Variants in NKTR observed in about 807,000 individuals in gnomAD.
NKTR encodes the protein natural killer cell triggering receptor, also known as NK-tumor recognition protein.
NKTR carries 67 observed loss-of-function variants against 156.3 expected under a neutral mutation model. The observed-to-expected ratio is 0.43, with a 90% confidence interval of 0.35 to 0.53. The LOEUF is 0.53. Among genes scored for constraint, NKTR ranks in the 20% least tolerant of loss-of-function variants. The pLI, the probability that NKTR is intolerant of heterozygous loss-of-function variation, is 0.01. For missense variants in NKTR, 1,604 were observed against 1,730.9 expected (o/e 0.93, Z 1.30); for synonymous variants, 640 against 596.6 (o/e 1.07, Z -1.06).
intron 2 of NKTR, among the ~76,000 whole-genome samples, chr3:42,608,681 G>C (rs1367688432): frequency 6.6e-6 from 1 of 152,196 alleles, no homozygotes; most frequent in Admixed American, 6.5e-5. Flanking sequence ...AGGTTGGAAA[G>C]TGAGGCTGAA....
In NKTR at chr3:42,639,539, GA is replaced by G; in HGVS notation, c.3836del (p.Asp1279ValfsTer3). 6.2e-7 allele frequency: 1 copy of G among 1,614,176 alleles called. No homozygotes were observed. Among genetic ancestry groups the G allele is most frequent in the Non-Finnish European group, 8.5e-7 (1 of 1,180,014 alleles). Reference sequence around the variant, plus strand: ...TAAAGTTCGGCCTGGGTCTCTCTTTGATGAAGTAAGAAAGACAGCACGCTTA... The same window carrying G: ...TAAAGTTCGGCCTGGGTCTCTCTTTGTGAAGTAAGAAAGACAGCACGCTTA... ...KNKVRPGSLF[D>X]EVRKTARLNR... On this transcript the variant is annotated frameshift_variant, in exon 13 of 17. Coordinates refer to ENST00000232978, the MANE Select transcript of NKTR (RefSeq NM_005385.4). LOFTEE classifies it high-confidence loss of function.
At chr3:42,612,924 G>A (rs183948224) in intron 2 of NKTR, among the ~76,000 whole-genome samples, 1 of 152,060 alleles carries the variant, frequency 6.6e-6, no homozygotes, top group African/African-American at 2.4e-5. Flanking sequence ...TTCCTGGTAT[G>A]TAGTGAATAA....
Position 42,600,726 on chromosome 3 carries a change from G to A in NKTR, c.-76G>A. 3.4e-6 allele frequency: 1 copy of A among 296,766 alleles called. No homozygotes were observed. Among genetic ancestry groups the A allele is most frequent in the Non-Finnish European group, 6.3e-6 (1 of 159,976 alleles). The allele number at this position is 296,766 out of a possible 1,614,324, so 18.4% of individuals were successfully genotyped here. On this transcript the variant is annotated 5_prime_UTR_variant, in exon 1 of 17. Transcript: ENST00000232978. ...GCGGCGTTGGGGTTTGGCTGCAGTG[G>A]CAGTGCTTTCTCTTCTGCTCACGGG...
intron 15 of NKTR, chr3:42,643,604 A>G (rs1196958913): frequency 1.4e-5 from 9 of 624,512 alleles, no homozygotes; most frequent in African/African-American, 5.5e-5. Flanking sequence ...TCAAATTGTA[A>G]TGGCAGGTGT....
chr3:42,643,546 A>G (rs1381953527), intron 15 of NKTR, 151 bp downstream of exon 15: 3 of 673,338 alleles, frequency 4.5e-6, no homozygotes, highest in East Asian at 2.7e-5. Flanking sequence ...TCTGTTCGAC[A>G]AGTTTTATCT....
chr3:42,611,750 T>A lies in NKTR; in HGVS notation c.59-5820T>A, dbSNP rs535081487. Among the ~76,000 whole-genome samples, 911 of 137,096 alleles carry A rather than the reference T, an allele frequency of 6.6e-3. 12 individuals are homozygous for A. The highest frequency in any genetic ancestry group is 0.024 in the African/African-American group (844 of 35,800). 89.9% of individuals were successfully genotyped at this position (137,096 alleles called of 152,430 possible). ...TCTGTCTCAAAAAAAAAAAAAAAAATGTATGCCTAAACCCTTATTTCCTCT... is the reference window on the plus strand; with the variant it reads ...TCTGTCTCAAAAAAAAAAAAAAAAAAGTATGCCTAAACCCTTATTTCCTCT... On this transcript the variant is annotated intron_variant, in intron 2 of 16. Coordinates refer to ENST00000232978, the MANE Select transcript of NKTR (RefSeq NM_005385.4).
intron 2 of NKTR, 75 bp from the exon 3 acceptor site, chr3:42,617,495 C>T (rs1238024150): frequency 1.3e-6 from 1 of 743,062 alleles, no homozygotes; most frequent in Non-Finnish European, 2.4e-6. Flanking sequence ...AATTTGTTAG[C>T]CCTGTTTCTT....
rs1707775067 is a variant in NKTR at position 42,620,141 on chromosome 3, T to A, written c.286+433T>A. ...AGTCTGGGTCAGGTTGTGGCTGGATTTCTATATTGCTTGAAGACTTGGAAA... is the reference window on the plus strand; with the variant it reads ...AGTCTGGGTCAGGTTGTGGCTGGATATCTATATTGCTTGAAGACTTGGAAA... On this transcript the variant is annotated intron_variant, in intron 5 of 16. Coordinates refer to ENST00000232978, the MANE Select transcript of NKTR (RefSeq NM_005385.4). The A allele has an allele frequency of 6.3e-6, 9 of 1,438,106 alleles. No individual in the cohort carries two copies. In the Admixed American group the frequency reaches 2.2e-4, roughly 36 times the overall value. 89.1% of individuals were successfully genotyped at this position (1,438,106 alleles called of 1,614,324 possible). A position where few individuals can be genotyped will look rare whatever the true frequency, so the allele number is the denominator to read the frequency against.
rs1709651577 is a variant in NKTR, at chr3:42,638,901, T to G, written c.3197T>G (p.Leu1066Arg). Residue 1066 changes from leucine to arginine, a missense_variant, in exon 13 of 17, where the codon CTT becomes CGT. Coordinates refer to ENST00000232978, the MANE Select transcript of NKTR (RefSeq NM_005385.4). ...LKTEKSSEED[L>R]SGKHDTVTVS... ...ACTGAGAAATCCAGTGAAGAGGACC[T>G]TTCAGGTAAACATGATACAGTGACT... The G allele has an allele frequency of 1.2e-6, 2 of 1,612,950 alleles. No homozygotes were observed. The highest frequency in any genetic ancestry group is 1.7e-4 in the Middle Eastern group (1 of 6,058).
At chr3:42,616,597 A>G (rs553431048) in intron 2 of NKTR, among the ~76,000 whole-genome samples, 2 of 152,356 alleles carry the variant, frequency 1.3e-5, no homozygotes, top group African/African-American at 4.8e-5. Flanking sequence ...ACAAAAGCTC[A>G]GTAATGAGTT....
At chr3:42,629,434 A>C in intron 6 of NKTR, 1 of 950,806 alleles carries the variant, frequency 1.1e-6, no homozygotes, top group Non-Finnish European at 1.3e-6. Context: ...TATAAGCATT[A>C]CAAATCCTTG....
In NKTR at chr3:42,635,308, A is replaced by T. The variant is rs1709298128; in HGVS notation, c.1105A>T (p.Met369Leu). The part of the protein sequence containing the change: ...SETPPHWKEE[M>L]QRLRAYRPPS... ...AACTCCTCCTCACTGGAAAGAGGAA[A>T]TGCAGAGATTAAGAGCATATAGACC... Residue 369 changes from methionine to leucine, a missense_variant, in exon 12 of 17, where the codon ATG becomes TTG. Met to Leu is a conservative substitution (Grantham distance 15, BLOSUM62 2). Coordinates refer to ENST00000232978, the MANE Select transcript of NKTR (RefSeq NM_005385.4). The T allele has an allele frequency of 1.9e-6, 3 of 1,613,774 alleles. No individual in the cohort carries two copies. Among genetic ancestry groups the T allele is most frequent in the Non-Finnish European group, 2.5e-6 (3 of 1,179,696 alleles).
intron 11 of NKTR, 99 bp from the exon 12 acceptor site, chr3:42,635,122 A>T: frequency 2.2e-5 from 15 of 683,878 alleles, no homozygotes; most frequent in Non-Finnish European, 3.2e-5. Context: ...ATTACCTTTG[A>T]TGGGATGATC....
At chr3:42,606,150 A>G (rs1468691378) in intron 2 of NKTR, among the ~76,000 whole-genome samples, 7 of 152,158 alleles carry the variant, frequency 4.6e-5, no homozygotes, top group Non-Finnish European at 2.9e-5. Flanking sequence ...GGTTTCCTCA[A>G]TGATGTTTAG....
rs1475360062 is a variant in NKTR at position 42,635,345 on chromosome 3, A to C, written c.1142A>C (p.Glu381Ala). Residue 381 changes from glutamate (E) to alanine (A), a missense_variant, in exon 12 of 17, where the codon GAA becomes GCA. Physicochemically the swap from Glu to Ala is moderately radical, Grantham distance 107. Coordinates refer to ENST00000232978, the MANE Select transcript of NKTR (RefSeq NM_005385.4). ...RLRAYRPPSG[E>A]KWSKGDKLSD... ...AGAGCATATAGACCACCTAGTGGAG[A>C]AAAATGGAGTAAAGGAGATAAGTAA... The C allele has an allele frequency of 1.9e-6, 3 of 1,609,142 alleles. No homozygotes were observed. The East Asian group carries it at 6.7e-5, about 36-fold the overall frequency.
chr3:42,601,205 A>G lies in NKTR; in HGVS notation c.58+141A>G, dbSNP rs9876937. The G allele has an allele frequency of 1.2e-3, 766 of 625,674 alleles. 3 individuals are homozygous for G. The African/African-American group carries it at 0.014, about 11-fold the overall frequency. 38.8% of individuals were successfully genotyped at this position (625,674 alleles called of 1,614,324 possible). A position where few individuals can be genotyped will look rare whatever the true frequency, so the allele number is the denominator to read the frequency against. Reference sequence around the variant, plus strand: ...AACTTTCCGTTTTCTCTTGAGAGAAAATCAGTGGGAGAGGAAGGTGGCCTG... The same window carrying G: ...AACTTTCCGTTTTCTCTTGAGAGAAGATCAGTGGGAGAGGAAGGTGGCCTG... On this transcript the variant is annotated intron_variant, in intron 2 of 16. Coordinates refer to ENST00000232978, the MANE Select transcript of NKTR (RefSeq NM_005385.4).
rs1229072404 is a variant in NKTR at position 42,632,597 on chromosome 3, A to T, written c.551-4A>T. 6.3e-7 allele frequency: 1 copy of T among 1,585,466 alleles called. No individual in the cohort carries two copies. Among genetic ancestry groups the T allele is most frequent in the African/African-American group, 1.4e-5 (1 of 73,456 alleles). On this transcript the variant is annotated splice_region_variant and splice_polypyrimidine_tract_variant and intron_variant, in intron 8 of 16. Coordinates refer to ENST00000232978, the MANE Select transcript of NKTR (RefSeq NM_005385.4). ...CTAATGTTTTTATTAATGTTTCTTA[A>T]AAGTTTTTGAGAAAAAAAGGAAGAA...
At chr3:42,640,845 C>T (rs946332800) in intron 13 of NKTR, among the ~76,000 whole-genome samples, 2 of 152,218 alleles carry the variant, frequency 1.3e-5, no homozygotes, top group African/African-American at 4.8e-5. Context: ...TTCTCTTCTT[C>T]CTCATGGCCT....
intron 2 of NKTR, among the ~76,000 whole-genome samples, chr3:42,613,472 A>G (rs1707040873): frequency 1.3e-5 from 2 of 152,040 alleles, no homozygotes; most frequent in South Asian, 2.1e-4. Context: ...TAATTGTTCT[A>G]TGGGCTATTC....
Sources: gnomAD v4.1 joint callset for allele counts (sites outside exome capture counted in the v4.1 genomes callset) on GRCh38, gnomAD v4.1.1 for gene constraint, MANE v1.5 for transcripts, NCBI Gene and HGNC (gene_info 2026-07-23, HGNC 2026-07-21) for gene names.